The following DLGAP1 variants were observed in gnomAD, a reference collection of about 807,000 sequenced individuals.
DLGAP1 encodes the protein DLG associated protein 1, also known as disks large-associated protein 1.
DLGAP1 carries 11 observed loss-of-function variants against 90.8 expected under a neutral mutation model. The observed-to-expected ratio is 0.12, with a 90% CI of 0.08 to 0.20. The LOEUF (loss-of-function observed/expected upper bound fraction) is 0.20. Ranked by LOEUF, DLGAP1 falls within the 10% of genes least tolerant of loss-of-function variation. The probability of loss-of-function intolerance (pLI) is 1.00; values close to 1 mark genes in which losing one functional copy is unlikely to be tolerated. For missense variants in DLGAP1, 1,050 were observed against 1,333.8 expected (o/e 0.79, Z 3.31); for synonymous variants, 558 against 540.7 (o/e 1.03, Z -0.44).
chr18:3,894,010 T>C (rs115634646), intron 3 of DLGAP1, among the ~76,000 whole-genome samples: 3,813 of 152,320 alleles, frequency 0.025, 160 homozygotes, highest in African/African-American at 0.086. Flanking sequence ...TGGCTACTTA[T>C]ATGTCTTCTT....
At chr18:4,446,610 T>C (rs2091119060) in intron 1 of DLGAP1, among the ~76,000 whole-genome samples, 1 of 152,214 alleles carries the variant, frequency 6.6e-6, no homozygotes, top group African/African-American at 2.4e-5. Context: ...AAGAACTAAA[T>C]AATAATATCT....
chr18:4,433,829 G>A (rs2083341752), intron 1 of DLGAP1, among the ~76,000 whole-genome samples: 1 of 152,130 alleles, frequency 6.6e-6, no homozygotes, highest in Non-Finnish European at 1.5e-5. Context: ...AATGTGGATA[G>A]GCTCTAAAAG....
intron 7 of DLGAP1, among the ~76,000 whole-genome samples, chr18:3,646,733 G>C (rs897409906): frequency 6.6e-6 from 1 of 151,934 alleles, no homozygotes; most frequent in African/African-American, 2.4e-5. Flanking sequence ...GACCATCCTG[G>C]CTAACACGGT....
chr18:4,293,224 C>G (rs556545577), intron 1 of DLGAP1: 31 of 152,308 alleles, frequency 2.0e-4, no homozygotes, highest in Admixed American at 2.0e-3. Context: ...AATGTGATGA[C>G]TACATGTATA....
intron 3 of DLGAP1, among the ~76,000 whole-genome samples, chr18:4,004,196 G>A (rs1053906371): frequency 6.6e-6 from 1 of 152,112 alleles, no homozygotes; most frequent in Admixed American, 6.6e-5. Context: ...CTCTATTGTG[G>A]ATGATGTATC....
At chr18:3,704,568 C>T (rs984159941) in intron 7 of DLGAP1, among the ~76,000 whole-genome samples, 5 of 151,320 alleles carry the variant, frequency 3.3e-5, no homozygotes, top group Non-Finnish European at 7.4e-5. Context: ...CACAGCGAGA[C>T]TCCATCTAAA....
At chr18:4,076,961 TA>T (rs983321740) in intron 2 of DLGAP1, among the ~76,000 whole-genome samples, 31 of 147,490 alleles carry the variant, frequency 2.1e-4, no homozygotes, top group African/African-American at 8.4e-4. Context: ...TATTATATGT[TA>T]AGTACTTGTT....
At chr18:3,931,791 C>T (rs1370719604) in intron 3 of DLGAP1, among the ~76,000 whole-genome samples, 1 of 152,054 alleles carries the variant, frequency 6.6e-6, no homozygotes, top group African/African-American at 2.4e-5. Context: ...ATGATTAATA[C>T]CAGTTAAAGA....
At chr18:3,511,743 T>C (rs140763960) in intron 10 of DLGAP1, among the ~76,000 whole-genome samples, 1 of 152,278 alleles carries the variant, frequency 6.6e-6, no homozygotes, top group East Asian at 1.9e-4. Context: ...ATTTGTTTTC[T>C]TTTTCCCTTT....
intron 5 of DLGAP1, among the ~76,000 whole-genome samples, chr18:3,780,913 G>T (rs1026307903): frequency 6.6e-6 from 1 of 152,016 alleles, no homozygotes; most frequent in African/African-American, 2.4e-5. Context: ...GGGCTCAAGT[G>T]ATCCTCTCAC....
At chr18:4,435,321 G>T (rs2083376439) in intron 1 of DLGAP1, among the ~76,000 whole-genome samples, 1 of 152,098 alleles carries the variant, frequency 6.6e-6, no homozygotes, top group South Asian at 2.1e-4. Flanking sequence ...TGCCTTTTAA[G>T]TTTCTTGCTT....
chr18:4,034,673 G>A (rs1204528824), intron 2 of DLGAP1, among the ~76,000 whole-genome samples: 1 of 152,088 alleles, frequency 6.6e-6, no homozygotes, highest in Admixed American at 6.5e-5. Flanking sequence ...TCAAGAGAAC[G>A]TCACTTATTT....
intron 1 of DLGAP1, among the ~76,000 whole-genome samples, chr18:4,434,713 T>C (rs1378923359): frequency 6.6e-6 from 1 of 152,170 alleles, no homozygotes; most frequent in Non-Finnish European, 1.5e-5. Context: ...GGAGTACCCA[T>C]GAGATATTGC....
chr18:3,580,115 A>T, intron 8 of DLGAP1: 2 of 1,008,230 alleles, frequency 2.0e-6, no homozygotes, highest in Non-Finnish European at 3.2e-6. Flanking sequence ...CACACATTCA[A>T]TTTAGAGAAC....
intron 7 of DLGAP1, among the ~76,000 whole-genome samples, chr18:3,704,423 T>A (rs1478903853): frequency 1.3e-5 from 2 of 151,698 alleles, no homozygotes; most frequent in Non-Finnish European, 2.9e-5. Flanking sequence ...ATACAAAAAT[T>A]AGCTGGTGTG....
chr18:4,114,038 G>C (rs1266549879), intron 2 of DLGAP1, among the ~76,000 whole-genome samples: 1 of 139,730 alleles, frequency 7.2e-6, no homozygotes, highest in African/African-American at 2.6e-5. Flanking sequence ...TTGAAGTTGA[G>C]TAATGTGATG....
chr18:3,696,046 T>G (rs572055968), intron 7 of DLGAP1, among the ~76,000 whole-genome samples: 1 of 152,394 alleles, frequency 6.6e-6, no homozygotes, highest in East Asian at 1.9e-4. Flanking sequence ...ATATTGATTT[T>G]GTATCCTGAG....
rs2143865094 is a variant in DLGAP1 at position 4,342,511 on chromosome 18, G to A, written c.-267+112495C>T. ...TCAAATGGCCTAATGTTACCTCATTGCCCACTTTGAAAGACCATATGGTGC... is the reference window on the plus strand; with the variant it reads ...TCAAATGGCCTAATGTTACCTCATTACCCACTTTGAAAGACCATATGGTGC... On this transcript the variant is annotated intron_variant, in intron 1 of 12. Transcript: ENST00000315677. This position sits in a 1 kb window ranked among gnomAD's most constrained non-coding sequence, Gnocchi z 5.8. Among the ~76,000 whole-genome samples, 1 of 152,146 alleles carries A rather than the reference G, an allele frequency of 6.6e-6. No individual in the cohort carries two copies. Among genetic ancestry groups the A allele is most frequent in the South Asian group, 2.1e-4 (1 of 4,814 alleles).
chr18:4,187,944 G>C (rs760988936), intron 1 of DLGAP1, among the ~76,000 whole-genome samples: 1 of 152,138 alleles, frequency 6.6e-6, no homozygotes, highest in Non-Finnish European at 1.5e-5. Context: ...GTTGCAATGA[G>C]CAGAGATCGT....
Sources: gnomAD v4.1 joint callset for allele counts (sites outside exome capture counted in the v4.1 genomes callset) on GRCh38, gnomAD v4.1.1 for gene constraint, Gnocchi (gnomAD v3.1) non-coding constraint, MANE v1.5 for transcripts, NCBI Gene and HGNC (gene_info 2026-07-23, HGNC 2026-07-21) for gene names.